TTN: variants seen among roughly 807,000 people sequenced by gnomAD.
TTN encodes connectin.
TTN carries 1,525 observed loss-of-function variants against 3,223.0 expected under a neutral mutation model. The observed-to-expected ratio is 0.47, with a 90% CI of 0.45 to 0.49. TTN has a LOEUF of 0.49. Ranked by LOEUF, TTN falls within the 20% of genes least tolerant of loss-of-function variation. TTN has a pLI of 0.00. For missense variants in TTN, 40,786 were observed against 43,424.0 expected (o/e 0.94, Z 5.40); for synonymous variants, 14,094 against 15,161.0 (o/e 0.93, Z 5.17).
chr2:178,724,533 C>A lies in TTN; in HGVS notation c.20842G>T (p.Ala6948Ser). 1 of 1,582,702 alleles carries A rather than the reference C, an allele frequency of 6.3e-7. No homozygotes were observed. The highest frequency in any genetic ancestry group is 2.3e-5 in the East Asian group (1 of 44,262). ...GGTCCTGCCTTCTCAACAATGACTGCGGGCTCTGAAATAAAACGTGATATC... is the reference window on the plus strand; with the variant it reads ...GGTCCTGCCTTCTCAACAATGACTGAGGGCTCTGAAATAAAACGTGATATC... ...NMATLMVLEPAVIVEKAGPMT... is the reference protein window; with the variant it reads ...NMATLMVLEPSVIVEKAGPMT... The change falls in exon 72 of 363, where the codon GCA (alanine) becomes TCA (serine). Residue 6948 changes from alanine to serine, a missense_variant. Transcript: ENST00000589042.
At position 178,802,236 on chromosome 2, in the gene TTN, G is replaced by A. The variant is rs372755739; in HGVS notation, c.197C>T (p.Thr66Met). ...GTTGGCTTTAGTCACGGCGGGGATCGTCAGTTTAGCGCGGCCATCGCTAAA... is the reference window on the plus strand; with the variant it reads ...GTTGGCTTTAGTCACGGCGGGGATCATCAGTTTAGCGCGGCCATCGCTAAA... ...ISFSDGRAKL[T>M]IPAVTKANSG... Residue 66 changes from threonine to methionine, a missense_variant, in exon 3 of 363, where the codon ACG (threonine) becomes ATG (methionine). Transcript: ENST00000589042. 74 of 1,613,996 alleles carry A rather than the reference G, an allele frequency of 4.6e-5. No homozygotes were observed. Among genetic ancestry groups the A allele is most frequent in the South Asian group, 9.9e-5 (9 of 91,088 alleles).
chr2:178,615,008 A>G lies in TTN; in HGVS notation c.48639-40T>C, dbSNP rs374817553. 8 of 1,535,550 alleles carry G rather than the reference A, an allele frequency of 5.2e-6. No homozygotes were observed. The African/African-American group carries it at 1.1e-4, about 21-fold the overall frequency. On this transcript the variant is annotated intron_variant, in intron 259 of 362. Coordinates refer to ENST00000589042, the MANE Select transcript of TTN (RefSeq NM_001267550.2). ...AATAGGATGTTTTACTGTGATGTCG[A>G]TAATCGTTTCATTGTGTAGTACTCA...
At position 178,733,120 on chromosome 2, in the gene TTN, A is replaced by G. The variant is rs376820575; in HGVS notation, c.16056T>C (p.Asp5352=). 4.7e-5 allele frequency: 75 copies of G among 1,585,690 alleles called. No homozygotes were observed. In the East Asian group the frequency reaches 5.8e-4, roughly 12 times the overall value. ...SSCETTFTVL[D]RDIAPFFTKP... The stretch of plus-strand genomic sequence containing the variant: ...TGGTAAAAAATGGAGCAATGTCTCG[A>G]TCTGTGTGTTGCACAAGAAGGGAGA... Residue 5352 remains aspartate (D), a splice_region_variant and synonymous_variant, in exon 55 of 363, where the codon GAT becomes GAC. Transcript: ENST00000589042.
Position 178,633,306 on chromosome 2 carries a change from T to C in TTN, c.42967A>G (p.Lys14323Glu). ...AACACCTCTACTCCGTACAGAGGCT[T>C]TTCCACTTTTATTAGTCGAGCTGAA... Reference protein sequence around the residue: ...TVEARLIKVEKPLYGVEVFVG... With the variant: ...TVEARLIKVEEPLYGVEVFVG... Residue 14323 changes from lysine (K) to glutamate (E), a missense_variant, in exon 233 of 363, where the codon AAG becomes GAG. By Grantham distance (56) the Lys-to-Glu change is moderately conservative (BLOSUM62 1). Transcript: ENST00000589042. The C allele has an allele frequency of 6.2e-7, 1 of 1,612,948 alleles. No homozygotes were observed. Among genetic ancestry groups the C allele is most frequent in the Non-Finnish European group, 8.5e-7 (1 of 1,179,416 alleles).
At position 178,714,557 on chromosome 2, in the gene TTN, C is replaced by T. The variant is rs748042389; in HGVS notation, c.26217G>A (p.Val8739=). 10 of 1,603,028 alleles carry T rather than the reference C, an allele frequency of 6.2e-6. No individual in the cohort carries two copies. The highest frequency in any genetic ancestry group is 1.3e-5 in the African/African-American group (1 of 74,632). ...SIALKAPPRF[V]KKLSDISTVV... ...CAGTAGATATGTCACTGAGCTTCTT[C>T]ACAAATCTTGGTGGTGCTGATGAAA... The change falls in exon 91 of 363, where the codon GTG becomes GTA. Residue 8739 remains valine (V), a synonymous_variant. Coordinates refer to ENST00000589042, the MANE Select transcript of TTN (RefSeq NM_001267550.2).
chr2:178,803,292 T>A (rs1191825240), intron 2 of TTN, among the ~76,000 whole-genome samples: 1 of 152,184 alleles, frequency 6.6e-6, no homozygotes. Flanking sequence ...TATTTGCATA[T>A]AGTTTGAAGG....
At position 178,621,879 on chromosome 2, in the gene TTN, C is replaced by T. The variant is rs1280583303; in HGVS notation, c.45043G>A (p.Val15015Ile). Residue 15015 changes from valine to isoleucine, a missense_variant, in exon 244 of 363, where the codon GTA becomes ATA. Physicochemically the swap from Val to Ile is conservative, Grantham distance 29. Transcript: ENST00000589042. ...ATGCCAGAAGTTCTCGCTGTCCTTA[C>T]TTCACAGGAATATTCAGCTTCATCA... is the stretch of plus-strand genomic sequence containing the variant. ...LDDEAEYSCE[V>I]RTARTSGMLT... is the part of the protein sequence containing the mutation. 1 of 1,612,250 alleles carries T rather than the reference C, an allele frequency of 6.2e-7. No homozygotes were observed. The highest frequency in any genetic ancestry group is 8.5e-7 in the Non-Finnish European group (1 of 1,179,006).
intron 150 of TTN, 26 bp from the exon 151 acceptor site, chr2:178,674,435 A>T: frequency 7.7e-7 from 1 of 1,300,032 alleles, no homozygotes; most frequent in Non-Finnish European, 1.0e-6. Context: ...TATTTTGTAA[A>T]TTATTTTTAT....
chr2:178,771,196 TC>T lies in TTN; in HGVS notation c.8116+14del. The stretch of plus-strand genomic sequence containing the variant: ...TGTAATATGATTTGAAAAGGACAAA[TC>T]CTATGTTACTTGCCTTCAACTTTGA... On this transcript the variant is annotated intron_variant, in intron 34 of 362. Coordinates refer to ENST00000589042, the MANE Select transcript of TTN (RefSeq NM_001267550.2). The T allele has an allele frequency of 1.2e-6, 2 of 1,613,778 alleles. No homozygotes were observed. The highest frequency in any genetic ancestry group is 2.2e-5 in the South Asian group (2 of 91,060).
Position 178,563,862 on chromosome 2 carries a change from C to T in TTN, c.82270G>A (p.Val27424Ile), listed in dbSNP as rs771672985. The change falls in exon 326 of 363, where the codon GTA (valine) becomes ATA (isoleucine). Residue 27424 changes from valine to isoleucine, a missense_variant. By Grantham distance (29) the Val-to-Ile change is conservative (BLOSUM62 3). Coordinates refer to ENST00000589042, the MANE Select transcript of TTN (RefSeq NM_001267550.2). The surrounding 1 kb of genome is among the most constrained non-coding windows in gnomAD (Gnocchi z 4.5). ...GTAACTTTGTAGTTAAGGGCCTGTA[C>T]CTCAGTTGAAACCTGGGTCCAAGAG... ...RLSWTQVSTE[V>I]QALNYKVTKL... 1.2e-6 allele frequency: 2 copies of T among 1,613,616 alleles called. No homozygotes were observed. Among genetic ancestry groups the T allele is most frequent in the South Asian group, 1.1e-5 (1 of 91,078 alleles).
Position 178,534,328 on chromosome 2 carries a change from G to T in TTN, c.102287C>A (p.Thr34096Asn), listed in dbSNP as rs375002174. Reference protein sequence around the residue: ...RTLKHRRYYHTLIKKDLNMVV... With the variant: ...RTLKHRRYYHNLIKKDLNMVV... ...CATGTTGAGGTCTTTCTTGATCAGG[G>T]TGTGGTAATAACGCCGGTGTTTTAA... Residue 34096 changes from threonine (T) to asparagine (N), a missense_variant, in exon 358 of 363, where the codon ACC becomes AAC. Physicochemically the swap from Thr to Asn is moderately conservative, Grantham distance 65. Coordinates refer to ENST00000589042, the MANE Select transcript of TTN (RefSeq NM_001267550.2). 3.8e-5 allele frequency: 62 copies of T among 1,613,118 alleles called. No individual in the cohort carries two copies. Among genetic ancestry groups the T allele is most frequent in the South Asian group, 3.4e-4 (31 of 91,086 alleles).
chr2:178,742,320 T>C (rs989682968), intron 47 of TTN, among the ~76,000 whole-genome samples: 1 of 152,266 alleles, frequency 6.6e-6, no homozygotes, highest in Middle Eastern at 3.4e-3. Context: ...AGAGTTTTCT[T>C]GAGGTTAAGA....
At chr2:178,711,498 A>T in intron 96 of TTN, 149 bp from the exon 97 acceptor site, 1 of 1,044,466 alleles carries the variant, frequency 9.6e-7, no homozygotes, top group South Asian at 2.2e-5. Flanking sequence ...GATAAAGAAA[A>T]GCATATAGAT....
Position 178,557,450 on chromosome 2 carries a change from C to G in TTN, c.87812G>C (p.Gly29271Ala), listed in dbSNP as rs1201375858. ...TCTGTCTTTCATTTCCAGGTGATAG[C>G]CTACGACTGCACTGCCTCCATTTGA... is the stretch of plus-strand genomic sequence containing the variant. The part of the protein sequence containing the change: ...PVSNGGSAVV[G>A]YHLEMKDRNS... Residue 29271 changes from glycine (G) to alanine (A), a missense_variant, in exon 329 of 363, where the codon GGC (glycine) becomes GCC (alanine). Physicochemically the swap from Gly to Ala is moderately conservative, Grantham distance 60 (BLOSUM62 0). Transcript: ENST00000589042. 1.2e-6 allele frequency: 2 copies of G among 1,613,922 alleles called. No individual in the cohort carries two copies. The highest frequency in any genetic ancestry group is 1.7e-6 in the Non-Finnish European group (2 of 1,179,854).
At chr2:178,746,186 C>G (rs1363850711) in intron 47 of TTN, 1 of 1,613,216 alleles carries the variant, frequency 6.2e-7, no homozygotes, top group East Asian at 2.2e-5. Flanking sequence ...AGTCGGGATC[C>G]CTATGACTGA....
rs760847894 is a variant in TTN at position 178,728,153 on chromosome 2, A to G, written c.19671T>C (p.Asn6557=). The G allele has an allele frequency of 6.2e-7, 1 of 1,607,942 alleles. No individual in the cohort carries two copies. Among genetic ancestry groups the G allele is most frequent in the Non-Finnish European group, 8.5e-7 (1 of 1,176,356 alleles). The part of the protein sequence containing the change: ...DTANYTCKVS[N]VAGDDACSGI... Reference sequence around the variant, plus strand: ...CACTGCATGCATCATCTCCTGCTACATTTGACACTTTGCATGTGTAATTTG... The same window carrying G: ...CACTGCATGCATCATCTCCTGCTACGTTTGACACTTTGCATGTGTAATTTG... Residue 6557 remains asparagine, a synonymous_variant, in exon 67 of 363, where the codon AAT becomes AAC. Coordinates refer to ENST00000589042, the MANE Select transcript of TTN (RefSeq NM_001267550.2).
intron 307 of TTN, 62 bp from the exon 308 acceptor site, chr2:178,586,869 T>G (rs1462714495): frequency 2.5e-6 from 4 of 1,575,288 alleles, no homozygotes; most frequent in South Asian, 1.2e-5. Flanking sequence ...CCTTTGTTAA[T>G]GTACATAAGA....
Position 178,593,995 on chromosome 2 carries a change from G to C in TTN, c.58398C>G (p.Gly19466=). 6.2e-7 allele frequency: 1 copy of C among 1,613,544 alleles called. No homozygotes were observed. The highest frequency in any genetic ancestry group is 8.5e-7 in the Non-Finnish European group (1 of 1,179,660). ...TAACTTGACAGAAACCTTTCCTAGAGCCTGTACTGTTCTCCACAACCACAC... is the reference window on the plus strand; with the variant it reads ...TAACTTGACAGAAACCTTTCCTAGACCCTGTACTGTTCTCCACAACCACAC... ...KYCVVVENST[G]SRKGFCQVNV... Residue 19466 remains glycine, a synonymous_variant, in exon 297 of 363, where the codon GGC becomes GGG. Coordinates refer to ENST00000589042, the MANE Select transcript of TTN (RefSeq NM_001267550.2).
At chr2:178,752,874 A>G (rs1561054077) in intron 47 of TTN, among the ~76,000 whole-genome samples, 1 of 152,128 alleles carries the variant, frequency 6.6e-6, no homozygotes, top group Non-Finnish European at 1.5e-5. Flanking sequence ...GACTGCAAAC[A>G]TAAAGTTGAA....
Sources: allele counts gnomAD v4.1 joint callset (sites outside exome capture counted in the v4.1 genomes callset), GRCh38; gene constraint gnomAD v4.1.1; non-coding constraint Gnocchi (gnomAD v3.1); transcripts MANE v1.5; gene names NCBI Gene and HGNC (gene_info 2026-07-23, HGNC 2026-07-21).